The following RGS6 variants were observed in gnomAD, a reference collection of about 807,000 sequenced individuals.
The protein encoded by RGS6 is regulator of G protein signaling 6, also known as regulator of G-protein signaling 6.
In RGS6, 30 loss-of-function variants were observed where a neutral mutation model predicts 78.5. The observed-to-expected ratio is 0.38, with a 90% CI of 0.29 to 0.52. The LOEUF is 0.52. Among genes scored for constraint, RGS6 ranks in the 20% least tolerant of loss-of-function variants. The pLI is 0.85. For missense variants in RGS6, 495 were observed against 609.7 expected, an observed-to-expected ratio of 0.81 and a Z score of 1.98; for synonymous variants, 206 against 206.0, an observed-to-expected ratio of 1.00 and a Z score of 0.00.
At chr14:71,990,189 G>T (rs2094895441) in intron 2 of RGS6, among the ~76,000 whole-genome samples, 1 of 151,954 alleles carries the variant, frequency 6.6e-6, no homozygotes, top group African/African-American at 2.4e-5. Context: ...ATTCATGAGG[G>T]TTCTACGCCT....
At chr14:72,106,360 T>C (rs928065246) in intron 2 of RGS6, among the ~76,000 whole-genome samples, 4 of 152,180 alleles carry the variant, frequency 2.6e-5, no homozygotes, top group Non-Finnish European at 5.9e-5. Context: ...AGTGGAGATT[T>C]ACTAAATCAG....
chr14:72,462,130 C>T (rs892888620), intron 6 of RGS6, among the ~76,000 whole-genome samples: 4 of 152,086 alleles, frequency 2.6e-5, no homozygotes, highest in Non-Finnish European at 5.9e-5. Flanking sequence ...AATTGACAAA[C>T]GTTTACTGGT....
intron 2 of RGS6, among the ~76,000 whole-genome samples, chr14:72,266,330 AT>A (rs1176667578): frequency 6.6e-6 from 1 of 152,114 alleles, no homozygotes; most frequent in African/African-American, 2.4e-5. Context: ...AAGAGTGAGC[AT>A]TTCTAGAGAA....
chr14:71,971,164 T>C (rs1372682988), intron 2 of RGS6, among the ~76,000 whole-genome samples: 2 of 152,280 alleles, frequency 1.3e-5, no homozygotes, highest in South Asian at 2.1e-4. Flanking sequence ...TATCTTCCCT[T>C]TGGGCCTCCA....
chr14:72,168,850 C>G (rs918607912), intron 2 of RGS6, among the ~76,000 whole-genome samples: 1 of 152,148 alleles, frequency 6.6e-6, no homozygotes, highest in Non-Finnish European at 1.5e-5. Flanking sequence ...CAGGCAGGAG[C>G]CTTTCTTGCC....
At chr14:72,556,337 A>C (rs532196445) in intron 17 of RGS6, among the ~76,000 whole-genome samples, 1 of 152,230 alleles carries the variant, frequency 6.6e-6, no homozygotes, top group East Asian at 1.9e-4. Flanking sequence ...AAACCATCGG[A>C]TCTCATGAGA....
intron 12 of RGS6, among the ~76,000 whole-genome samples, chr14:72,479,644 C>A (rs1418738954): frequency 6.6e-6 from 1 of 152,212 alleles, no homozygotes; most frequent in African/African-American, 2.4e-5. Context: ...ACTCTGGAGT[C>A]GCTGTTTCAG....
the RGS6 span, chr14:72,620,081 G>T: frequency 2.3e-6 from 3 of 1,281,728 alleles, no homozygotes; most frequent in South Asian, 1.6e-5. Context: ...TTCCACGTCG[G>T]TCTCACTGGA....
chr14:72,232,146 G>C (rs192077683), intron 2 of RGS6, among the ~76,000 whole-genome samples: 59 of 152,312 alleles, frequency 3.9e-4, no homozygotes, highest in African/African-American at 1.4e-3. Context: ...CCATGCCACG[G>C]GTATGCATTG....
intron 2 of RGS6, among the ~76,000 whole-genome samples, chr14:72,209,430 T>C (rs75505418): frequency 0.018 from 2,807 of 152,294 alleles, 38 homozygotes; most frequent in East Asian, 0.061. Context: ...TTCTTAGCAT[T>C]GAAGTGAGCA....
chr14:72,085,363 A>C (rs965814144), intron 2 of RGS6, among the ~76,000 whole-genome samples: 1 of 152,240 alleles, frequency 6.6e-6, no homozygotes, highest in Non-Finnish European at 1.5e-5. Context: ...AGTGTCCCTC[A>C]GTATTAAGTG....
intron 3 of RGS6, among the ~76,000 whole-genome samples, chr14:72,429,299 A>T (rs945656095): frequency 7.9e-5 from 12 of 152,220 alleles, no homozygotes; most frequent in Non-Finnish European, 1.6e-4. Context: ...CTGCATGGCT[A>T]GGTTTAAATT....
At chr14:72,583,715 C>G in the RGS6 span, among the ~76,000 whole-genome samples, 3 of 152,176 alleles carry the variant, frequency 2.0e-5, no homozygotes, top group Non-Finnish European at 2.9e-5. Context: ...CCAGGCCTCA[C>G]GGGGTCTCTT....
At position 72,352,159 on chromosome 14, in the gene RGS6, A is replaced by G. The variant is rs774990811; in HGVS notation, c.149A>G (p.Lys50Arg). 2 of 1,613,542 alleles carry G rather than the reference A, an allele frequency of 1.2e-6. No homozygotes were observed. The highest frequency in any genetic ancestry group is 2.2e-5 in the East Asian group (1 of 44,856). The change falls in exon 3 of 18, where the codon AAG becomes AGG. Residue 50 changes from lysine to arginine, a missense_variant. Physicochemically the swap from Lys to Arg is conservative, Grantham distance 26. Coordinates refer to ENST00000553525, the MANE Select transcript of RGS6 (RefSeq NM_001204424.2). ...KTGGVPIRTVKSFLSKIPSVV... is the reference protein window; with the variant it reads ...KTGGVPIRTVRSFLSKIPSVV... ...GGGGGTGTGCCCATCAGAACAGTCA[A>G]GAGCTTTCTCTCCAAAATCCCCAGT...
At chr14:72,178,550 A>T (rs1209841373) in intron 2 of RGS6, among the ~76,000 whole-genome samples, 1 of 152,248 alleles carries the variant, frequency 6.6e-6, no homozygotes, top group African/African-American at 2.4e-5. Context: ...TATACTTGTG[A>T]TGAAGTCAGG....
At chr14:72,090,299 C>G (rs1405578699) in intron 2 of RGS6, among the ~76,000 whole-genome samples, 1 of 152,142 alleles carries the variant, frequency 6.6e-6, no homozygotes, top group African/African-American at 2.4e-5. Flanking sequence ...CAGTACCGGT[C>G]CCTGGCCTGT....
At chr14:72,375,702 G>A (rs536469524) in intron 3 of RGS6, among the ~76,000 whole-genome samples, 2 of 152,268 alleles carry the variant, frequency 1.3e-5, no homozygotes, top group South Asian at 2.1e-4. Context: ...AAGTTGCACC[G>A]CTACCAGCAC....
chr14:72,104,664 T>C (rs1426743489), intron 2 of RGS6, among the ~76,000 whole-genome samples: 1 of 152,218 alleles, frequency 6.6e-6, no homozygotes, highest in Non-Finnish European at 1.5e-5. Context: ...TCGAATACAG[T>C]GTGCTGTGAA....
At chr14:72,494,034 A>G (rs2153411669) in intron 12 of RGS6, among the ~76,000 whole-genome samples, 1 of 152,356 alleles carries the variant, frequency 6.6e-6, no homozygotes, top group African/African-American at 2.4e-5. Flanking sequence ...ATCATTTTCC[A>G]TCAAGTCTAT....
Sources: gnomAD v4.1 joint callset for allele counts (sites outside exome capture counted in the v4.1 genomes callset) on GRCh38, gnomAD v4.1.1 for gene constraint, MANE v1.5 for transcripts, NCBI Gene and HGNC (gene_info 2026-07-23, HGNC 2026-07-21) for gene names.